The following IL17RB variants were observed in gnomAD, a reference collection of about 807,000 sequenced individuals.
IL17RB encodes the protein interleukin-17 receptor B.
In IL17RB, 36 loss-of-function variants were observed where a neutral mutation model predicts 43.9. The observed-to-expected ratio is 0.82, with a 90% CI of 0.63 to 1.08. The LOEUF is 1.08. Among genes scored for constraint, IL17RB ranks in the 50% least tolerant of loss-of-function variants. The pLI is 0.00. For missense variants in IL17RB, 613 were observed against 613.6 expected (o/e 1.00, Z 0.01); for synonymous variants, 225 against 225.4 (o/e 1.00, Z 0.02).
chr3:53,857,885 C>T, intron 8 of IL17RB, 195 bp downstream of exon 8: 1 of 585,496 alleles, frequency 1.7e-6, no homozygotes. Flanking sequence ...CAGTTGTGGT[C>T]CCTTTTGCTT....
chr3:53,864,362 C>T (rs1576852129), intron 10 of IL17RB, among the ~76,000 whole-genome samples: 1 of 152,142 alleles, frequency 6.6e-6, no homozygotes, highest in African/African-American at 2.4e-5. Context: ...GGGTGAAACC[C>T]CGTCTCTACT....
chr3:53,857,003 T>C lies in IL17RB; in HGVS notation c.672+17T>C. On this transcript the variant is annotated intron_variant, in intron 7 of 10. Coordinates refer to ENST00000288167, the MANE Select transcript of IL17RB (RefSeq NM_018725.4). ...GTGTTTGAGGTACTTTTTCTCTTCG[T>C]CCCCTTCACCTCGTCCTCCAGCTTT... 6.2e-7 allele frequency: 1 copy of C among 1,613,112 alleles called. No homozygotes were observed. The highest frequency in any genetic ancestry group is 8.5e-7 in the Non-Finnish European group (1 of 1,179,790).
chr3:53,847,709 A>G (rs1464472390), intron 1 of IL17RB, among the ~76,000 whole-genome samples: 1 of 152,002 alleles, frequency 6.6e-6, no homozygotes, highest in Non-Finnish European at 1.5e-5. Flanking sequence ...CAGGAGAATC[A>G]CTTGAACCCG....
chr3:53,865,337 A>G lies in IL17RB; in HGVS notation c.*29A>G, dbSNP rs376880235. 9.7e-5 allele frequency: 151 copies of G among 1,557,668 alleles called. No homozygotes were observed. The African/African-American group carries it at 1.9e-3, about 19-fold the overall frequency. ...ACCCATGAGAAGCAAGAGACCTTAA[A>G]GGCTTCCTATCCCACCAATTACAGG... On this transcript the variant is annotated 3_prime_UTR_variant, in exon 11 of 11. Coordinates refer to ENST00000288167, the MANE Select transcript of IL17RB (RefSeq NM_018725.4).
Position 53,865,040 on chromosome 3 carries a change from G to C in IL17RB, c.1241G>C (p.Ser414Thr). The C allele has an allele frequency of 6.2e-7, 1 of 1,614,220 alleles. No individual in the cohort carries two copies. The highest frequency in any genetic ancestry group is 8.5e-7 in the Non-Finnish European group (1 of 1,180,040). ...GGTACCTGTGGCAAGAGCGAGGGCAGTCCCAGTGAGAACTCTCAAGACCTC... is the reference window on the plus strand; with the variant it reads ...GGTACCTGTGGCAAGAGCGAGGGCACTCCCAGTGAGAACTCTCAAGACCTC... ...CDGTCGKSEG[S>T]PSENSQDLFP... The change falls in exon 11 of 11, where the codon AGT becomes ACT. Residue 414 changes from serine (S) to threonine (T), a missense_variant. By Grantham distance (58) the Ser-to-Thr change is moderately conservative (BLOSUM62 1). Transcript: ENST00000288167.
Position 53,857,687 on chromosome 3 carries a change from G to A in IL17RB, c.744G>A (p.Val248=). 6.2e-7 allele frequency: 1 copy of A among 1,613,806 alleles called. No individual in the cohort carries two copies. Among genetic ancestry groups the A allele is most frequent in the Non-Finnish European group, 8.5e-7 (1 of 1,179,680 alleles). Residue 248 remains valine, a synonymous_variant, in exon 8 of 11, where the codon GTG becomes GTA. Coordinates refer to ENST00000288167, the MANE Select transcript of IL17RB (RefSeq NM_018725.4). ...CTGGGGATAGTGAAGGTGCTACGGT[G>A]CAGGTAAAGTTCAGTGAGCTGCTCT... ...PVTGDSEGAT[V]QLTPYFPTCG...
intron 6 of IL17RB, among the ~76,000 whole-genome samples, chr3:53,855,956 G>A (rs1398749696): frequency 6.6e-6 from 1 of 152,208 alleles, no homozygotes; most frequent in African/African-American, 2.4e-5. Context: ...GAGTAATATA[G>A]TGTTGGAATG....
chr3:53,856,714 A>G (rs1699345937), intron 6 of IL17RB, 130 bp from the exon 7 acceptor site: 3 of 823,648 alleles, frequency 3.6e-6, no homozygotes, highest in Non-Finnish European at 6.0e-6. Flanking sequence ...AAAGTTCACT[A>G]TGTAGCAGCG....
At chr3:53,860,074 T>TTAAGAGA in intron 9 of IL17RB, 56 bp from the exon 10 acceptor site, 1 of 1,160,222 alleles carries the variant, frequency 8.6e-7, no homozygotes, top group South Asian at 1.3e-5. Context: ...AGTTTTTAAA[T>TTAAGAGA]TAAGAGATAA....
intron 1 of IL17RB, among the ~76,000 whole-genome samples, 154 bp from the exon 2 acceptor site, chr3:53,848,510 C>G (rs756681837): frequency 6.6e-6 from 1 of 152,342 alleles, no homozygotes; most frequent in East Asian, 1.9e-4. Flanking sequence ...TTAGTTCCCC[C>G]CTAAGCTGTG....
In IL17RB at chr3:53,847,244, G is replaced by A. The variant is rs574915267; in HGVS notation, c.60+596G>A. 5.3e-5 allele frequency among the ~76,000 whole-genome samples: 8 copies of A among 152,236 alleles called. No individual in the cohort carries two copies. In the South Asian group the frequency reaches 6.2e-4, roughly 12 times the overall value. ...AGAATAGCATATAGCATCAAGCTCC[G>A]TAGTCACCTGCTGGTGGACAAACCC... On this transcript the variant is annotated intron_variant, in intron 1 of 10. Transcript: ENST00000288167.
intron 10 of IL17RB, 75 bp downstream of exon 10, chr3:53,860,303 C>A: frequency 8.2e-7 from 1 of 1,215,784 alleles, no homozygotes; most frequent in Non-Finnish European, 1.2e-6. Context: ...GAAGATTCCT[C>A]TGGAGGCAAT....
In IL17RB at chr3:53,853,042, C is replaced by T; in HGVS notation, c.481+45C>T. 6 of 1,611,164 alleles carry T rather than the reference C, an allele frequency of 3.7e-6. No individual in the cohort carries two copies. The South Asian group carries it at 4.4e-5, about 12-fold the overall frequency. ...TATTATTCTTTGTCTTGCTGGGATGCCTGCTTTGCGATATGCACAGAGAGA... is the reference window on the plus strand; with the variant it reads ...TATTATTCTTTGTCTTGCTGGGATGTCTGCTTTGCGATATGCACAGAGAGA... On this transcript the variant is annotated intron_variant, in intron 5 of 10. Transcript: ENST00000288167.
Position 53,855,181 on chromosome 3 carries a change from G to A in IL17RB, c.482-113G>A, listed in dbSNP as rs878938890. On this transcript the variant is annotated intron_variant, in intron 5 of 10. Transcript: ENST00000288167. The stretch of plus-strand genomic sequence containing the variant: ...GAATTTGCCATCTTACATCTGGAAT[G>A]TTTTGGCAATTTGTTACAGGTGTGG... The A allele has an allele frequency of 2.1e-5, 9 of 430,844 alleles. No homozygotes were observed. The South Asian group carries it at 3.4e-4, about 16-fold the overall frequency. 26.7% of individuals were successfully genotyped at this position (430,844 alleles called of 1,614,324 possible).
rs1270874809 is a variant in IL17RB at position 53,846,592 on chromosome 3, T to A, written c.4T>A (p.Ser2Thr). The A allele has an allele frequency of 6.9e-6, 11 of 1,583,000 alleles. No individual in the cohort carries two copies. The highest frequency in any genetic ancestry group is 9.4e-6 in the Non-Finnish European group (11 of 1,169,480). Reference sequence around the variant, plus strand: ...GATCCCGCGCAGTGGCCCGGCGATGTCGCTCGTGCTGCTAAGCCTGGCCGC... The same window carrying A: ...GATCCCGCGCAGTGGCCCGGCGATGACGCTCGTGCTGCTAAGCCTGGCCGC... The part of the protein sequence containing the change: M[S>T]LVLLSLAALC... The change falls in exon 1 of 11, where the codon TCG becomes ACG. Residue 2 changes from serine to threonine, a missense_variant. Transcript: ENST00000288167.
At chr3:53,846,683 C>A in intron 1 of IL17RB, 35 bp downstream of exon 1, 1 of 1,558,474 alleles carries the variant, frequency 6.4e-7, no homozygotes, top group Admixed American at 1.8e-5. Flanking sequence ...CCTCATCTCC[C>A]GGCCCTCGAG....
Position 53,865,151 on chromosome 3 carries a change from T to C in IL17RB, c.1352T>C (p.Ile451Thr), listed in dbSNP as rs2232350. The change falls in exon 11 of 11, where the codon ATT (isoleucine) becomes ACT (threonine). Residue 451 changes from isoleucine (I) to threonine (T), a missense_variant. Transcript: ENST00000288167. ...HKYVVVYFRE[I>T]DTKDDYNALS... ...TACGTGGTGGTCTACTTTAGAGAGA[T>C]TGATACAAAAGACGATTACAATGCT... is the stretch of plus-strand genomic sequence containing the variant. The C allele has an allele frequency of 9.6e-3, 15,459 of 1,614,140 alleles. 829 individuals are homozygous for C. The East Asian group carries it at 0.16, about 17-fold the overall frequency.
In IL17RB at chr3:53,858,144, CTCAG is replaced by C. The variant is rs1699415793; in HGVS notation, c.747+456_747+459del. 5 of 187,442 alleles carry C rather than the reference CTCAG, an allele frequency of 2.7e-5. No individual in the cohort carries two copies. In the South Asian group the frequency reaches 4.8e-4, roughly 18 times the overall value. 11.6% of individuals were successfully genotyped at this position (187,442 alleles called of 1,614,324 possible). A position where few individuals can be genotyped will look rare whatever the true frequency, so the allele number is the denominator to read the frequency against. ...TGGAGCAGTAGGTGCTCCTTCACCT[CTCAG>C]TATGTCTCTTTCAACTCTAGTTTTT... On this transcript the variant is annotated intron_variant, in intron 8 of 10. Transcript: ENST00000288167.
At chr3:53,847,723 G>A (rs1387517413) in intron 1 of IL17RB, among the ~76,000 whole-genome samples, 1 of 151,616 alleles carries the variant, frequency 6.6e-6, no homozygotes, top group Non-Finnish European at 1.5e-5. Context: ...GAACCCGGGA[G>A]CCAGAGGTTG....
Sources: allele counts gnomAD v4.1 joint callset (sites outside exome capture counted in the v4.1 genomes callset), GRCh38; gene constraint gnomAD v4.1.1; transcripts MANE v1.5; gene names NCBI Gene and HGNC (gene_info 2026-07-23, HGNC 2026-07-21).